Variants in CENPE observed in about 807,000 individuals in gnomAD.
The protein encoded by CENPE is centromere-associated protein E.
CENPE carries 145 observed loss-of-function variants against 336.1 expected under a neutral mutation model. The ratio of observed to expected loss-of-function variants is 0.43; its 90% CI spans 0.38 to 0.50. The LOEUF (loss-of-function observed/expected upper bound fraction) is 0.50, where lower values mean the gene tolerates loss of function less well. CENPE is among the 20% of genes least tolerant of loss of function. The probability of loss-of-function intolerance (pLI) is 0.00; values close to 1 mark genes in which losing one functional copy is unlikely to be tolerated. For missense variants in CENPE, 2,719 were observed against 3,023.3 expected, an observed-to-expected ratio of 0.90 and a Z score of 2.36; for synonymous variants, 1,013 against 984.8, an observed-to-expected ratio of 1.03 and a Z score of -0.54.
chr4:103,158,008 G>A (rs1425946394), intron 24 of CENPE, among the ~76,000 whole-genome samples: 1 of 151,796 alleles, frequency 6.6e-6, no homozygotes, highest in Non-Finnish European at 1.5e-5. Context: ...CTCTGCAATG[G>A]ACTGAATTTT....
chr4:103,128,946 T>C (rs1751356811), intron 42 of CENPE, among the ~76,000 whole-genome samples: 1 of 151,974 alleles, frequency 6.6e-6, no homozygotes, highest in Non-Finnish European at 1.5e-5. Context: ...AAAAGATCAA[T>C]AAAGTTAATA....
At chr4:103,188,236 C>CG in intron 8 of CENPE, among the ~76,000 whole-genome samples, 1 of 152,112 alleles carries the variant, frequency 6.6e-6, no homozygotes, top group Non-Finnish European at 1.5e-5. Flanking sequence ...GACAGATCAA[C>CG]GAGACAGAAA....
intron 16 of CENPE, among the ~76,000 whole-genome samples, chr4:103,171,437 A>G (rs1038042149): frequency 6.6e-6 from 1 of 152,120 alleles, no homozygotes; most frequent in African/African-American, 2.4e-5. Flanking sequence ...TAATGAATTA[A>G]AAGAGTAATT....
intron 42 of CENPE, among the ~76,000 whole-genome samples, chr4:103,124,713 A>G (rs1750941038): frequency 6.6e-6 from 1 of 152,196 alleles, no homozygotes; most frequent in South Asian, 2.1e-4. Context: ...TAATTCCTGC[A>G]GATTGTACTT....
chr4:103,196,518 G>T (rs1757750358), intron 2 of CENPE, among the ~76,000 whole-genome samples: 1 of 152,144 alleles, frequency 6.6e-6, no homozygotes, highest in South Asian at 2.1e-4. Flanking sequence ...TATAGTGTTT[G>T]CACATGGGGG....
chr4:103,117,872 C>T (rs1484417024), intron 44 of CENPE, among the ~76,000 whole-genome samples: 1 of 152,112 alleles, frequency 6.6e-6, no homozygotes, highest in Admixed American at 6.5e-5. Context: ...AGGTGATCCG[C>T]CCGCCTCAGC....
intron 32 of CENPE, 44 bp downstream of exon 32, chr4:103,145,006 C>T (rs1752890531): frequency 6.9e-7 from 1 of 1,439,568 alleles, no homozygotes; most frequent in Non-Finnish European, 9.3e-7. Context: ...CACCTTAACA[C>T]TATTTCTGTA....
intron 46 of CENPE, among the ~76,000 whole-genome samples, chr4:103,114,085 A>G (rs1269250792): frequency 6.6e-6 from 1 of 152,166 alleles, no homozygotes; most frequent in African/African-American, 2.4e-5. Context: ...ATTATAACTT[A>G]TTAGATGCAT....
chr4:103,141,249 A>T (rs1752533839), intron 35 of CENPE, 145 bp from the exon 36 acceptor site: 2 of 581,782 alleles, frequency 3.4e-6, no homozygotes, highest in Non-Finnish European at 6.0e-6. Flanking sequence ...CTTTCTTTTG[A>T]GGTATAATAT....
chr4:103,122,642 T>C (rs998502208), intron 43 of CENPE, among the ~76,000 whole-genome samples: 1 of 152,216 alleles, frequency 6.6e-6, no homozygotes, highest in Non-Finnish European at 1.5e-5. Context: ...ATGAATGTAA[T>C]AATCAAATGA....
intron 12 of CENPE, among the ~76,000 whole-genome samples, chr4:103,181,108 C>T (rs770323618): frequency 1.1e-4 from 16 of 151,838 alleles, no homozygotes; most frequent in Non-Finnish European, 2.2e-4. Flanking sequence ...AGATTTTGCC[C>T]GTTGAAAATA....
intron 45 of CENPE, among the ~76,000 whole-genome samples, chr4:103,115,371 T>C (rs1270205580): frequency 6.6e-6 from 1 of 152,154 alleles, no homozygotes. Flanking sequence ...TGACCTCAGG[T>C]GATCTGCCTG....
Position 103,140,365 on chromosome 4 carries a change from T to A in CENPE, c.5804A>T (p.Glu1935Val). 1 of 1,605,968 alleles carries A rather than the reference T, an allele frequency of 6.2e-7. No individual in the cohort carries two copies. Among genetic ancestry groups the A allele is most frequent in the Non-Finnish European group, 8.5e-7 (1 of 1,176,124 alleles). The change falls in exon 37 of 49, where the codon GAA becomes GTA. Residue 1935 changes from glutamate to valine, a missense_variant. Glu to Val is a moderately radical substitution (Grantham distance 121). Transcript: ENST00000265148. ...AAGTTTATCAACAGTTTCTTTGTGT[T>A]CTTTTGATAGCATACGAGCAGTTTT... is the stretch of plus-strand genomic sequence containing the variant. ...ELKTARMLSKEHKETVDKLRE... is the reference protein window; with the variant it reads ...ELKTARMLSKVHKETVDKLRE...
Position 103,194,304 on chromosome 4 carries a change from A to C in CENPE, c.628-10T>G, listed in dbSNP as rs1204210296. ...CTCTGCTTTCCAAAATCTAGATAGAAAAGGCAAGCTGTAGAAAAATTAGTG... is the reference window on the plus strand; with the variant it reads ...CTCTGCTTTCCAAAATCTAGATAGACAAGGCAAGCTGTAGAAAAATTAGTG... On this transcript the variant is annotated splice_polypyrimidine_tract_variant and intron_variant, in intron 7 of 48. Transcript: ENST00000265148. 6.2e-7 allele frequency: 1 copy of C among 1,612,382 alleles called. No homozygotes were observed. The highest frequency in any genetic ancestry group is 8.5e-7 in the Non-Finnish European group (1 of 1,179,018).
At chr4:103,188,385 G>C (rs566749129) in intron 8 of CENPE, among the ~76,000 whole-genome samples, 114 of 152,216 alleles carry the variant, frequency 7.5e-4, no homozygotes, top group African/African-American at 2.7e-3. Context: ...TGACCACATA[G>C]TTGGAAGTAA....
intron 16 of CENPE, among the ~76,000 whole-genome samples, chr4:103,164,601 T>G (rs1365071046): frequency 6.6e-6 from 1 of 152,152 alleles, no homozygotes; most frequent in Admixed American, 6.5e-5. Context: ...AGAACATATT[T>G]TATTCAACCT....
chr4:103,179,764 A>T (rs980594984), intron 13 of CENPE, among the ~76,000 whole-genome samples: 2 of 152,174 alleles, frequency 1.3e-5, no homozygotes, highest in African/African-American at 4.8e-5. Flanking sequence ...ACAGATTCAA[A>T]TCCAGGAAGT....
At chr4:103,107,156 A>G (rs1390692355) in intron 48 of CENPE, among the ~76,000 whole-genome samples, 1 of 152,204 alleles carries the variant, frequency 6.6e-6, no homozygotes, top group African/African-American at 2.4e-5. Context: ...GGATTGCTTG[A>G]GCCTAGGAGT....
At chr4:103,122,242 A>G (rs1750698514) in intron 43 of CENPE, among the ~76,000 whole-genome samples, 1 of 152,134 alleles carries the variant, frequency 6.6e-6, no homozygotes, top group South Asian at 2.1e-4. Context: ...TATTTTGGTA[A>G]AAATGATAAA....
Sources: gnomAD v4.1 joint callset for allele counts (sites outside exome capture counted in the v4.1 genomes callset) on GRCh38, gnomAD v4.1.1 for gene constraint, MANE v1.5 for transcripts, NCBI Gene and HGNC (gene_info 2026-07-23, HGNC 2026-07-21) for gene names.